CCDC138: variants seen among roughly 807,000 people sequenced by gnomAD.
CCDC138 encodes the protein coiled-coil domain-containing protein 138.
A neutral mutation model predicts 82.3 loss-of-function variants in CCDC138; 66 were observed. The observed-to-expected ratio is 0.80, with a 90% CI of 0.66 to 0.98. The LOEUF is 0.98. Among genes scored for constraint, CCDC138 ranks in the 50% least tolerant of loss-of-function variants. The pLI is 0.00. For synonymous variants in CCDC138, 297 were observed against 265.4 expected (o/e 1.12, Z -1.16); for missense variants, 816 against 758.9 (o/e 1.08, Z -0.88).
chr2:108,858,578 G>C (rs560915483), intron 13 of CCDC138, among the ~76,000 whole-genome samples: 3 of 152,166 alleles, frequency 2.0e-5, no homozygotes, highest in Non-Finnish European at 4.4e-5. Flanking sequence ...CGATTTATTA[G>C]AGCGAGGAAA....
chr2:108,788,121 C>G, intron 2 of CCDC138, 32 bp downstream of exon 2: 1 of 1,589,192 alleles, frequency 6.3e-7, no homozygotes, highest in Non-Finnish European at 8.5e-7. Context: ...TTGGGGGTTT[C>G]AAAAATTTAA....
At chr2:108,869,847 G>A (rs889281443) in intron 13 of CCDC138, among the ~76,000 whole-genome samples, 106 of 152,124 alleles carry the variant, frequency 7.0e-4, no homozygotes, top group African/African-American at 2.3e-3. Context: ...TGGGAGGGGT[G>A]GTTTTTTCAA....
chr2:108,860,204 G>C (rs1367190522), intron 13 of CCDC138, among the ~76,000 whole-genome samples: 1 of 151,960 alleles, frequency 6.6e-6, no homozygotes. Flanking sequence ...TGTATCTTCA[G>C]ACTTCACTGA....
intron 13 of CCDC138, among the ~76,000 whole-genome samples, chr2:108,866,630 A>G (rs1385896145): frequency 6.6e-6 from 1 of 152,218 alleles, no homozygotes; most frequent in African/African-American, 2.4e-5. Context: ...CATGCCTGTA[A>G]TCCCAGCACT....
At chr2:108,878,674 TAATG>T (rs920403493), downstream of CCDC138, among the ~76,000 whole-genome samples, 10 of 152,174 alleles carry the variant, frequency 6.6e-5, no homozygotes, top group Non-Finnish European at 1.0e-4. Flanking sequence ...TGTTTTTAAA[TAATG>T]GGAAAAGCAA....
At chr2:108,831,490 G>T (rs1687610680) in intron 10 of CCDC138, among the ~76,000 whole-genome samples, 1 of 152,126 alleles carries the variant, frequency 6.6e-6, no homozygotes, top group Non-Finnish European at 1.5e-5. Flanking sequence ...AGGGGATAAA[G>T]ATATAAATGA....
Position 108,839,304 on chromosome 2 carries a change from A to G in CCDC138, c.1323+3A>G. ...GGCAGCTAGATGCTGGAGCACAGGT[A>G]ATTGGTTAATAGGAATTTATCTATA... On this transcript the variant is annotated splice_donor_region_variant and intron_variant, in intron 11 of 14. Transcript: ENST00000295124. The G allele has an allele frequency of 6.2e-7, 1 of 1,606,808 alleles. No individual in the cohort carries two copies. The highest frequency in any genetic ancestry group is 1.1e-5 in the South Asian group (1 of 89,660).
At chr2:108,870,411 G>A (rs1469024744) in intron 13 of CCDC138, among the ~76,000 whole-genome samples, 2 of 152,088 alleles carry the variant, frequency 1.3e-5, no homozygotes, top group Non-Finnish European at 1.5e-5. Context: ...AGTCCAGAAG[G>A]AGAAAAAAGA....
At chr2:108,880,387 A>G (rs1419139215), downstream of CCDC138, among the ~76,000 whole-genome samples, 3 of 152,188 alleles carry the variant, frequency 2.0e-5, no homozygotes, top group Non-Finnish European at 4.4e-5. Context: ...TCAAAATCCT[A>G]ACAAGTTATT....
At chr2:108,834,744 A>C (rs1688299158) in intron 10 of CCDC138, among the ~76,000 whole-genome samples, 1 of 152,214 alleles carries the variant, frequency 6.6e-6, no homozygotes, top group African/African-American at 2.4e-5. Flanking sequence ...CCCGTTTAAC[A>C]ATATCTTCCC....
intron 10 of CCDC138, among the ~76,000 whole-genome samples, chr2:108,822,545 A>G (rs1478464845): frequency 6.6e-6 from 1 of 152,230 alleles, no homozygotes; most frequent in Non-Finnish European, 1.5e-5. Context: ...CAGATAAACT[A>G]CGTGTTTGGC....
chr2:108,872,918 C>T (rs1201353712), intron 13 of CCDC138, among the ~76,000 whole-genome samples: 30 of 152,116 alleles, frequency 2.0e-4, no homozygotes, highest in Admixed American at 2.0e-3. Flanking sequence ...CATAAAAGTC[C>T]AGAGTCTCAT....
At chr2:108,854,710 TG>T (rs1230880461) in intron 12 of CCDC138, among the ~76,000 whole-genome samples, 1 of 152,194 alleles carries the variant, frequency 6.6e-6, no homozygotes, top group African/African-American at 2.4e-5. Flanking sequence ...TGGGCTCGGC[TG>T]GGCTTGGTTC....
downstream of CCDC138, among the ~76,000 whole-genome samples, chr2:108,879,790 G>A (rs796144456): frequency 1.3e-5 from 2 of 152,186 alleles, no homozygotes; most frequent in African/African-American, 4.8e-5. Flanking sequence ...GAGTGAGAGG[G>A]AATTTGCAAT....
chr2:108,876,026 T>C (rs1286238079), intron 14 of CCDC138, 62 bp from the exon 15 acceptor site: 12 of 1,035,338 alleles, frequency 1.2e-5, no homozygotes, highest in Non-Finnish European at 1.7e-5. Flanking sequence ...TATCTGTCAG[T>C]GTCATTGCAG....
chr2:108,815,932 G>T lies in CCDC138; in HGVS notation c.1042-9G>T. 2 of 1,584,152 alleles carry T rather than the reference G, an allele frequency of 1.3e-6. No individual in the cohort carries two copies. Among genetic ancestry groups the T allele is most frequent in the South Asian group, 2.3e-5 (2 of 85,748 alleles). ...AACTGAAATAAATGATTTAATTTTTGACATATAGGTACCACTTAATGGGCA... is the reference window on the plus strand; with the variant it reads ...AACTGAAATAAATGATTTAATTTTTTACATATAGGTACCACTTAATGGGCA... On this transcript the variant is annotated splice_polypyrimidine_tract_variant and intron_variant, in intron 9 of 14. Coordinates refer to ENST00000295124, the MANE Select transcript of CCDC138 (RefSeq NM_144978.3).
intron 12 of CCDC138, among the ~76,000 whole-genome samples, chr2:108,853,336 T>G (rs892084966): frequency 5.3e-5 from 8 of 152,130 alleles, no homozygotes; most frequent in African/African-American, 1.9e-4. Context: ...TCTAGAAATA[T>G]TGGGCCCTTA....
chr2:108,837,187 C>CT, intron 10 of CCDC138, among the ~76,000 whole-genome samples: 1 of 151,978 alleles, frequency 6.6e-6, no homozygotes, highest in Non-Finnish European at 1.5e-5. Context: ...TATATATAGC[C>CT]TTTATTATAT....
intron 9 of CCDC138, among the ~76,000 whole-genome samples, chr2:108,813,665 T>C (rs1684281868): frequency 6.6e-6 from 1 of 152,166 alleles, no homozygotes; most frequent in Admixed American, 6.5e-5. Context: ...AGAAATCCTT[T>C]AGTGTAAAGT....
Sources: allele counts gnomAD v4.1 joint callset (sites outside exome capture counted in the v4.1 genomes callset), GRCh38; gene constraint gnomAD v4.1.1; transcripts MANE v1.5; gene names NCBI Gene and HGNC (gene_info 2026-07-23, HGNC 2026-07-21).